Variants in TDRD6 observed in about 807,000 individuals in gnomAD.
The protein encoded by TDRD6 is tudor domain-containing protein 6.
Under a neutral mutation model 157.5 loss-of-function variants are expected in TDRD6, and 186 were observed. The observed-to-expected ratio is 1.18, with a 90% CI of 1.05 to 1.33. The LOEUF (loss-of-function observed/expected upper bound fraction) is 1.33, where lower values mean the gene tolerates loss of function less well. Ranked by LOEUF, TDRD6 falls within the 40% of genes most tolerant of loss-of-function variation. The pLI, the probability that TDRD6 is intolerant of heterozygous loss-of-function variation, is 0.00. For synonymous variants in TDRD6, 1,075 were observed against 945.2 expected (o/e 1.14, Z -2.52); for missense variants, 3,066 against 2,508.0 (o/e 1.22, Z -4.75).
At position 46,691,833 on chromosome 6, in the gene TDRD6, A is replaced by C; in HGVS notation, c.3705A>C (p.Leu1235Phe). 1 of 1,604,086 alleles carries C rather than the reference A, an allele frequency of 6.2e-7. No individual in the cohort carries two copies. The highest frequency in any genetic ancestry group is 8.5e-7 in the Non-Finnish European group (1 of 1,177,638). Residue 1235 changes from leucine (L) to phenylalanine (F), a missense_variant, in exon 1 of 4, where the codon TTA becomes TTC. By Grantham distance (22) the Leu-to-Phe change is conservative. Transcript: ENST00000316081. ...KLLQSLTKTN[L>F]VTQYQDSVGN... ...TACAAAGTTTAACAAAAACAAACTT[A>C]GTCACTCAATATCAAGACTCTGTGG...
rs935195206 is a variant in TDRD6 at position 46,687,885 on chromosome 6, G to A, written c.-244G>A. The A allele has an allele frequency of 1.1e-4, 55 of 509,176 alleles. No homozygotes were observed. In the Admixed American group the frequency reaches 1.6e-3, roughly 14 times the overall value. The allele number at this position is 509,176 out of a possible 1,614,324, so 31.5% of individuals were successfully genotyped here. On this transcript the variant is annotated 5_prime_UTR_variant, in exon 1 of 4. In the 5' UTR this introduces an upstream ATG that the reference lacks. Transcript: ENST00000316081. The stretch of plus-strand genomic sequence containing the variant: ...TGGCGGCGCCGAGTGAGGTAAATGC[G>A]TGCCCGGAAGCGCGACCTCGGGCGG...
chr6:46,701,804 T>C, intron 3 of TDRD6, 54 bp from the exon 4 acceptor site: 1 of 1,597,318 alleles, frequency 6.3e-7, no homozygotes. Flanking sequence ...GGAAATAAAT[T>C]TTTTTGTTTG....
chr6:46,691,055 T>G lies in TDRD6; in HGVS notation c.2927T>G (p.Phe976Cys), dbSNP rs150991143. 2.0e-4 allele frequency: 319 copies of G among 1,613,706 alleles called. No homozygotes were observed. The highest frequency in any genetic ancestry group is 2.6e-4 in the Non-Finnish European group (308 of 1,179,874). ...TCCTCTGTTCAGCTACATTCCTACT[T>G]CTATTCTACACATGATATGAAAATT... The part of the protein sequence containing the change: ...LESSVQLHSY[F>C]YSTHDMKIGS... Residue 976 changes from phenylalanine (F) to cysteine (C), a missense_variant, in exon 1 of 4, where the codon TTC becomes TGC. Transcript: ENST00000316081.
In TDRD6 at chr6:46,691,826, C is replaced by G; in HGVS notation, c.3698C>G (p.Thr1233Arg). ...AAACTTTTACAAAGTTTAACAAAAA[C>G]AAACTTAGTCACTCAATATCAAGAC... is the stretch of plus-strand genomic sequence containing the variant. ...ELKLLQSLTK[T>R]NLVTQYQDSV... The change falls in exon 1 of 4, where the codon ACA (threonine) becomes AGA (arginine). Residue 1233 changes from threonine to arginine, a missense_variant. By Grantham distance (71) the Thr-to-Arg change is moderately conservative. Coordinates refer to ENST00000316081, the MANE Select transcript of TDRD6 (RefSeq NM_001010870.3). The G allele has an allele frequency of 6.2e-7, 1 of 1,603,698 alleles. No individual in the cohort carries two copies. The highest frequency in any genetic ancestry group is 1.8e-5 in the Admixed American group (1 of 56,794).
chr6:46,699,169 G>T (rs1764564867), intron 3 of TDRD6, among the ~76,000 whole-genome samples: 1 of 151,976 alleles, frequency 6.6e-6, no homozygotes, highest in Admixed American at 6.6e-5. Flanking sequence ...ACATTTTCTG[G>T]CTCCCAGGAT....
chr6:46,687,924 C>G lies in TDRD6; in HGVS notation c.-205C>G. 2 of 742,462 alleles carry G rather than the reference C, an allele frequency of 2.7e-6. No individual in the cohort carries two copies. The highest frequency in any genetic ancestry group is 4.0e-6 in the Non-Finnish European group (2 of 506,026). 46.0% of individuals were successfully genotyped at this position (742,462 alleles called of 1,614,324 possible). On this transcript the variant is annotated 5_prime_UTR_variant, in exon 1 of 4. Coordinates refer to ENST00000316081, the MANE Select transcript of TDRD6 (RefSeq NM_001010870.3). ...GACCTCGGGCGGTTGGAGGGGCTAC[C>G]GGGTCTTACCAGTCCGTGGCGGGAG...
Position 46,691,963 on chromosome 6 carries a change from A to G in TDRD6, c.3835A>G (p.Arg1279Gly), listed in dbSNP as rs1335647348. The G allele has an allele frequency of 1.9e-6, 3 of 1,613,410 alleles. No homozygotes were observed. The highest frequency in any genetic ancestry group is 2.5e-6 in the Non-Finnish European group (3 of 1,179,876). ...TARVEATLSERKIGDSCDKDL... is the reference protein window; with the variant it reads ...TARVEATLSEGKIGDSCDKDL... ...AAGAGTAGAAGCTACTCTTTCAGAG[A>G]GAAAAATAGGAGATTCATGTGACAA... The change falls in exon 1 of 4, where the codon AGA (arginine) becomes GGA (glycine). Residue 1279 changes from arginine (R) to glycine (G), a missense_variant. Arg to Gly is a moderately radical substitution (Grantham distance 125, BLOSUM62 -2). Coordinates refer to ENST00000316081, the MANE Select transcript of TDRD6 (RefSeq NM_001010870.3).
At chr6:46,696,085 A>T (rs1764488401) in intron 2 of TDRD6, 140 bp downstream of exon 2, 1 of 867,146 alleles carries the variant, frequency 1.2e-6, no homozygotes, top group Non-Finnish European at 1.7e-6. Flanking sequence ...TGTAATGCAC[A>T]TATATTTTAA....
At position 46,702,068 on chromosome 6, in the gene TDRD6, T is replaced by C; in HGVS notation, c.*181T>C. 1.8e-6 allele frequency: 1 copy of C among 571,342 alleles called. No homozygotes were observed. The highest frequency in any genetic ancestry group is 1.9e-5 in the African/African-American group (1 of 53,172). 35.4% of individuals were successfully genotyped at this position (571,342 alleles called of 1,614,324 possible). A position where few individuals can be genotyped will look rare whatever the true frequency, so the allele number is the denominator to read the frequency against. ...TCTCAGGTTGATGGTGGGGTGTGTT[T>C]ATAGTGATCCTGTTATATATACAGA... On this transcript the variant is annotated 3_prime_UTR_variant, in exon 4 of 4. Transcript: ENST00000316081.
chr6:46,686,640 A>G (rs985533243), upstream of TDRD6, among the ~76,000 whole-genome samples: 6 of 152,250 alleles, frequency 3.9e-5, no homozygotes, highest in Non-Finnish European at 8.8e-5. Context: ...TTGAGTTTTC[A>G]AGGATGAGTT....
In TDRD6 at chr6:46,690,335, T is replaced by C; in HGVS notation, c.2207T>C (p.Leu736Pro). Residue 736 changes from leucine to proline, a missense_variant, in exon 1 of 4, where the codon CTA (leucine) becomes CCA (proline). Coordinates refer to ENST00000316081, the MANE Select transcript of TDRD6 (RefSeq NM_001010870.3). ...TTVVTNGSTE[L>P]VVQEKVKRAS... ...GTTGTAACAAATGGTTCAACTGAAC[T>C]AGTTGTGCAGGAAAAAGTGAAAAGA... The C allele has an allele frequency of 1.2e-6, 2 of 1,613,418 alleles. No homozygotes were observed. The highest frequency in any genetic ancestry group is 1.7e-6 in the Non-Finnish European group (2 of 1,179,968).
In TDRD6 at chr6:46,688,591, G is replaced by A. The variant is rs1764189753; in HGVS notation, c.463G>A (p.Val155Met). 1 of 1,598,758 alleles carries A rather than the reference G, an allele frequency of 6.3e-7. No individual in the cohort carries two copies. The highest frequency in any genetic ancestry group is 8.5e-7 in the Non-Finnish European group (1 of 1,179,570). The change falls in exon 1 of 4, where the codon GTG becomes ATG. Residue 155 changes from valine (V) to methionine (M), a missense_variant. By Grantham distance (21) the Val-to-Met change is conservative. Coordinates refer to ENST00000316081, the MANE Select transcript of TDRD6 (RefSeq NM_001010870.3). ...GCCGCAGCACTGGCCCGCCGACGCCGTGGACTTCCTTAGCAACCTTCAGGG... is the reference window on the plus strand; with the variant it reads ...GCCGCAGCACTGGCCCGCCGACGCCATGGACTTCCTTAGCAACCTTCAGGG... ...EPPQHWPADAVDFLSNLQGKE... is the reference protein window; with the variant it reads ...EPPQHWPADAMDFLSNLQGKE...
At chr6:46,694,462 A>G (rs903789787) in intron 1 of TDRD6, among the ~76,000 whole-genome samples, 1 of 152,058 alleles carries the variant, frequency 6.6e-6, no homozygotes, top group Non-Finnish European at 1.5e-5. Flanking sequence ...TCAGCCTCCC[A>G]AAGTGTGCTT....
In TDRD6 at chr6:46,687,994, C is replaced by G. The variant is rs966041495; in HGVS notation, c.-135C>G. On this transcript the variant is annotated 5_prime_UTR_variant, in exon 1 of 4. Transcript: ENST00000316081. ...GGGGAGTTGCCGAGAAAAGGCCTCG[C>G]CGGCATTCTTCCCCTCCACTGGGTC... 55 of 1,323,310 alleles carry G rather than the reference C, an allele frequency of 4.2e-5. No individual in the cohort carries two copies. The highest frequency in any genetic ancestry group is 5.4e-5 in the Non-Finnish European group (55 of 1,025,040). 82.0% of individuals were successfully genotyped at this position (1,323,310 alleles called of 1,614,324 possible).
rs932856638 is a variant in TDRD6, at chr6:46,691,231, A to T, written c.3103A>T (p.Asn1035Tyr). 1.9e-6 allele frequency: 3 copies of T among 1,613,932 alleles called. No individual in the cohort carries two copies. The East Asian group carries it at 6.7e-5, about 36-fold the overall frequency. The change falls in exon 1 of 4, where the codon AAC becomes TAC. Residue 1035 changes from asparagine to tyrosine, a missense_variant. Physicochemically the swap from Asn to Tyr is moderately radical, Grantham distance 143 (BLOSUM62 -2). Coordinates refer to ENST00000316081, the MANE Select transcript of TDRD6 (RefSeq NM_001010870.3). ...GCTGAATTTAAAAACATCTCCCTTG[A>T]ACCCTGGAACCTTGTGCCTTGCCAA... ...VLLNLKTSPL[N>Y]PGTLCLAKYT...
In TDRD6 at chr6:46,695,936, A is replaced by G; in HGVS notation, c.6162A>G (p.Glu2054=). 1 of 1,613,036 alleles carries G rather than the reference A, an allele frequency of 6.2e-7. No individual in the cohort carries two copies. Among genetic ancestry groups the G allele is most frequent in the East Asian group, 2.2e-5 (1 of 44,762 alleles). The change falls in exon 2 of 4, where the codon GAA becomes GAG. Residue 2054 remains glutamate (E), a synonymous_variant. Transcript: ENST00000316081. ...GTGAGATTTTAGAAACAGCTGAAGA[A>G]GGAACAAGGGTAAGTGATGTTTAAG... is the stretch of plus-strand genomic sequence containing the variant. ...SKCEILETAE[E]GTRVLNLSNG...
At chr6:46,685,002 A>G (rs1764056049), upstream of TDRD6, among the ~76,000 whole-genome samples, 3 of 149,190 alleles carry the variant, frequency 2.0e-5, no homozygotes, top group Admixed American at 2.0e-4. Flanking sequence ...ATGTGGTGAT[A>G]TAACATTGTG....
Position 46,692,730 on chromosome 6 carries a change from T to G in TDRD6, c.4602T>G (p.Phe1534Leu). 2.5e-6 allele frequency: 4 copies of G among 1,614,138 alleles called. No individual in the cohort carries two copies. Among genetic ancestry groups the G allele is most frequent in the Non-Finnish European group, 3.4e-6 (4 of 1,180,018 alleles). ...YATVIDGPEY[F>L]WCQFADTEKL... ...CTGTGATAGATGGACCTGAGTACTT[T>G]TGGTGTCAGTTTGCTGATACGGAGA... Residue 1534 changes from phenylalanine to leucine, a missense_variant, in exon 1 of 4, where the codon TTT becomes TTG. Physicochemically the swap from Phe to Leu is conservative, Grantham distance 22 (BLOSUM62 0). Transcript: ENST00000316081.
chr6:46,680,992 C>T, the TDRD6 span, among the ~76,000 whole-genome samples: 1 of 152,198 alleles, frequency 6.6e-6, no homozygotes, highest in African/African-American at 2.4e-5. Context: ...ATGTACATAT[C>T]AGCGTCCCCT....
Sources: gnomAD v4.1 joint callset for allele counts (sites outside exome capture counted in the v4.1 genomes callset) on GRCh38, gnomAD v4.1.1 for gene constraint, MANE v1.5 for transcripts, NCBI Gene and HGNC (gene_info 2026-07-23, HGNC 2026-07-21) for gene names.